Variants in NEK11 observed in about 807,000 individuals in gnomAD.
The protein encoded by NEK11 is NIMA related kinase 11.
Under a neutral mutation model 80.7 loss-of-function variants are expected in NEK11, and 72 were observed. The ratio of observed to expected loss-of-function variants is 0.89; its 90% CI spans 0.74 to 1.08. The LOEUF is 1.08. Among genes scored for constraint, NEK11 ranks in the 50% least tolerant of loss-of-function variants. NEK11 has a pLI of 0.00. For missense variants in NEK11, 764 were observed against 763.6 expected (o/e 1.00, Z -0.01); for synonymous variants, 251 against 260.7 (o/e 0.96, Z 0.36).
rs2094903846 is a variant in NEK11 at position 131,218,128 on chromosome 3, C to A, written c.1400-10400C>A. Among the ~76,000 whole-genome samples the A allele has an allele frequency of 2.0e-5, 3 of 152,216 alleles. No individual in the cohort carries two copies. The South Asian group carries it at 6.2e-4, about 32-fold the overall frequency. ...CTTTAAGAGATGTTTATCTCTTATC[C>A]TTTATATTTTGTTTTGTAACCATGA... On this transcript the variant is annotated intron_variant, in intron 14 of 17. Transcript: ENST00000383366.
chr3:131,037,814 A>G (rs927391853), intron 3 of NEK11, among the ~76,000 whole-genome samples: 1 of 152,204 alleles, frequency 6.6e-6, no homozygotes. Flanking sequence ...CAAAACATCA[A>G]TAGATTTAAT....
chr3:131,176,677 C>CT (rs1359448018), intron 14 of NEK11, among the ~76,000 whole-genome samples: 1 of 151,704 alleles, frequency 6.6e-6, no homozygotes, highest in African/African-American at 2.4e-5. Flanking sequence ...TGGGTGCTGT[C>CT]TAACACCTGC....
intron 16 of NEK11, among the ~76,000 whole-genome samples, chr3:131,261,101 C>T (rs2095911039): frequency 6.6e-6 from 1 of 152,126 alleles, no homozygotes; most frequent in Non-Finnish European, 1.5e-5. Flanking sequence ...AGAGAAGAAA[C>T]TCTCTGCTGG....
chr3:131,193,223 G>T (rs1298677204), intron 14 of NEK11, among the ~76,000 whole-genome samples: 1 of 152,096 alleles, frequency 6.6e-6, no homozygotes, highest in Non-Finnish European at 1.5e-5. Flanking sequence ...TAGCCTAAGA[G>T]AAGGCAGTGG....
chr3:131,132,897 A>G, intron 6 of NEK11, 88 bp downstream of exon 6: 1 of 614,284 alleles, frequency 1.6e-6, no homozygotes, highest in Non-Finnish European at 2.8e-6. Flanking sequence ...TGGTACGTGG[A>G]AGTATTAGAG....
chr3:131,037,288 A>AT (rs11391510), intron 3 of NEK11, among the ~76,000 whole-genome samples: 64,401 of 146,016 alleles, frequency 0.44, 16,078 homozygotes, highest in Middle Eastern at 0.64. Context: ...AACTTCATCC[A>AT]TTTTTTTTTT....
chr3:131,330,051 GGAGACA>G (rs1408031632), intron 17 of NEK11: 1 of 152,186 alleles, frequency 6.6e-6, no homozygotes, highest in Non-Finnish European at 1.5e-5. Flanking sequence ...GAATCAGGTG[GGAGACA>G]GAGTAGTAGT....
intron 7 of NEK11, among the ~76,000 whole-genome samples, chr3:131,141,750 T>A (rs1043982546): frequency 1.3e-5 from 2 of 152,136 alleles, no homozygotes; most frequent in Non-Finnish European, 2.9e-5. Flanking sequence ...CATGGAAGCA[T>A]GAGAAAGCTC....
At chr3:131,337,536 A>G (rs1018319871) in intron 17 of NEK11, among the ~76,000 whole-genome samples, 6 of 152,142 alleles carry the variant, frequency 3.9e-5, no homozygotes, top group Admixed American at 6.5e-5. Flanking sequence ...TAATGGGTGC[A>G]GCACACCAGC....
At chr3:131,100,607 AT>A (rs746536329) in intron 4 of NEK11, among the ~76,000 whole-genome samples, 16 of 152,136 alleles carry the variant, frequency 1.1e-4, no homozygotes, top group Non-Finnish European at 1.8e-4. Context: ...TGATTTTGGC[AT>A]ATTAACTTTT....
chr3:131,114,646 G>A (rs112934861), intron 5 of NEK11, among the ~76,000 whole-genome samples: 1 of 152,134 alleles, frequency 6.6e-6, no homozygotes. Context: ...AATGTCAGAG[G>A]GGGTGGAGAT....
At chr3:131,339,019 TAAAAG>T (rs1482133272) in intron 17 of NEK11, among the ~76,000 whole-genome samples, 2 of 151,926 alleles carry the variant, frequency 1.3e-5, no homozygotes, top group African/African-American at 4.8e-5. Flanking sequence ...ATATAAAAAA[TAAAAG>T]AGGGAATCCC....
intron 3 of NEK11, among the ~76,000 whole-genome samples, chr3:131,052,885 T>C (rs192620797): frequency 1.3e-5 from 2 of 152,302 alleles, no homozygotes; most frequent in East Asian, 3.9e-4. Flanking sequence ...TTCCACAACA[T>C]TGAACCAGTT....
At chr3:131,135,423 A>T (rs996371937) in intron 7 of NEK11, among the ~76,000 whole-genome samples, 11 of 152,168 alleles carry the variant, frequency 7.2e-5, no homozygotes, top group Admixed American at 3.3e-4. Flanking sequence ...AAAACCAAAC[A>T]TCACAAAGGT....
intron 12 of NEK11, among the ~76,000 whole-genome samples, chr3:131,166,950 C>G (rs1423749955): frequency 6.6e-6 from 1 of 152,264 alleles, no homozygotes; most frequent in Admixed American, 6.5e-5. Flanking sequence ...TGCTTTGTCC[C>G]CCTGCAGTGC....
At chr3:131,274,526 A>G (rs933868121) in intron 17 of NEK11, among the ~76,000 whole-genome samples, 1 of 151,336 alleles carries the variant, frequency 6.6e-6, no homozygotes, top group Non-Finnish European at 1.5e-5. Context: ...TCCCTGAGGA[A>G]TCGCTACACT....
intron 16 of NEK11, among the ~76,000 whole-genome samples, chr3:131,272,701 C>T (rs571951974): frequency 2.9e-4 from 44 of 152,044 alleles, no homozygotes; most frequent in South Asian, 2.1e-3. Flanking sequence ...GTCCCAAACT[C>T]GTGACCTCAG....
intron 17 of NEK11, among the ~76,000 whole-genome samples, chr3:131,321,477 C>G (rs1169610672): frequency 6.6e-6 from 1 of 151,988 alleles, no homozygotes; most frequent in African/African-American, 2.4e-5. Context: ...AAAAGCAATT[C>G]CAACACAAGC....
At chr3:131,323,620 G>A (rs1349170216) in intron 17 of NEK11, among the ~76,000 whole-genome samples, 2 of 152,204 alleles carry the variant, frequency 1.3e-5, no homozygotes, top group African/African-American at 4.8e-5. Context: ...GTTTGAATGA[G>A]AAATTCGTGA....
Sources: allele counts gnomAD v4.1 joint callset (sites outside exome capture counted in the v4.1 genomes callset), GRCh38; gene constraint gnomAD v4.1.1; transcripts MANE v1.5; gene names NCBI Gene and HGNC (gene_info 2026-07-23, HGNC 2026-07-21).